TENM4: variants seen among roughly 807,000 people sequenced by gnomAD.
TENM4 encodes teneurin transmembrane protein 4, also known as teneurin-4.
A neutral mutation model predicts 243.3 loss-of-function variants in TENM4; 82 were observed. The observed-to-expected ratio is 0.34, with a 90% CI of 0.28 to 0.40. The LOEUF (loss-of-function observed/expected upper bound fraction) is 0.40. TENM4 is among the 10% of genes least tolerant of loss of function. The pLI is 1.00. For synonymous variants in TENM4, 1,412 were observed against 1,456.3 expected, an observed-to-expected ratio of 0.97 and a Z score of 0.69; for missense variants, 3,138 against 3,673.3, an observed-to-expected ratio of 0.85 and a Z score of 3.77.
chr11:78,844,585 T>TG (rs1240637488), intron 12 of TENM4, among the ~76,000 whole-genome samples: 1 of 151,038 alleles, frequency 6.6e-6, no homozygotes, highest in African/African-American at 2.4e-5. Flanking sequence ...GAGTTTGCAG[T>TG]GAACCAAGAT....
At chr11:78,777,919 C>T in intron 17 of TENM4, among the ~76,000 whole-genome samples, 1 of 152,140 alleles carries the variant, frequency 6.6e-6, no homozygotes, top group African/African-American at 2.4e-5. Flanking sequence ...CAGGTACCAC[C>T]CAACTAATGT....
intron 6 of TENM4, among the ~76,000 whole-genome samples, chr11:78,920,775 C>T (rs1856430903): frequency 6.6e-6 from 1 of 152,126 alleles, no homozygotes. Flanking sequence ...TCTTAACTGC[C>T]CATGCAAATC....
intron 28 of TENM4, among the ~76,000 whole-genome samples, chr11:78,699,771 T>C (rs517040): frequency 0.043 from 6,548 of 152,148 alleles, 304 homozygotes; most frequent in African/African-American, 0.12. Context: ...ATTTCAGGGG[T>C]GGTGGAGCGT....
rs1858732476 is a variant in TENM4, at chr11:78,688,165, G to A, written c.5149C>T (p.Arg1717Ter). 1.9e-6 allele frequency: 3 copies of A among 1,613,852 alleles called. No individual in the cohort carries two copies. The highest frequency in any genetic ancestry group is 1.7e-6 in the Non-Finnish European group (2 of 1,179,826). ...TGCACTGAACTGTCTGTATCACTTC[G>A]GAAACTGCTCACCTGGCCAGTAGGG... is the stretch of plus-strand genomic sequence containing the variant. ...TFPTGQVSSF[R>*]SDTDSSVHVQ... The change falls in exon 29 of 34, where the codon CGA (arginine) becomes TGA (stop). Residue 1717 changes from arginine to a stop codon, truncating the protein, a stop_gained. Coordinates refer to ENST00000278550, the MANE Select transcript of TENM4 (RefSeq NM_001098816.3). LOFTEE classifies it high-confidence loss of function.
chr11:79,402,455 G>C (rs2135558061), intron 1 of TENM4, among the ~76,000 whole-genome samples: 1 of 152,072 alleles, frequency 6.6e-6, no homozygotes, highest in East Asian at 1.9e-4. Flanking sequence ...TGCATTGCTG[G>C]AAAAAATACA....
chr11:79,265,019 G>A (rs1158175998), intron 2 of TENM4, among the ~76,000 whole-genome samples: 1 of 152,206 alleles, frequency 6.6e-6, no homozygotes, highest in Non-Finnish European at 1.5e-5. Flanking sequence ...TCAGCTGCCT[G>A]TAGACGAAGC....
At chr11:79,147,942 C>T (rs774807603) in intron 4 of TENM4, among the ~76,000 whole-genome samples, 7 of 152,056 alleles carry the variant, frequency 4.6e-5, no homozygotes, top group Admixed American at 2.6e-4. Context: ...GTCAGCAAAA[C>T]GATCCAAGTG....
chr11:79,349,707 G>C (rs1857383657), intron 1 of TENM4, among the ~76,000 whole-genome samples: 1 of 152,192 alleles, frequency 6.6e-6, no homozygotes, highest in Non-Finnish European at 1.5e-5. Context: ...GGCAGGGAAA[G>C]GGGAGAGAGA....
intron 6 of TENM4, among the ~76,000 whole-genome samples, chr11:78,948,326 C>T (rs193040743): frequency 2.6e-3 from 400 of 152,084 alleles, no homozygotes; most frequent in African/African-American, 8.7e-3. Context: ...TCCATATCAC[C>T]TAACATACAT....
At chr11:79,225,763 G>A (rs560104174) in intron 2 of TENM4, among the ~76,000 whole-genome samples, 13 of 152,288 alleles carry the variant, frequency 8.5e-5, no homozygotes, top group African/African-American at 3.1e-4. Flanking sequence ...GATTACAGGC[G>A]TGAGCCACCG....
At position 79,002,101 on chromosome 11, in the gene TENM4, C is replaced by T. The variant is rs147486629; in HGVS notation, c.493+62637G>A. 1.4e-3 allele frequency among the ~76,000 whole-genome samples: 212 copies of T among 152,316 alleles called. 6 individuals are homozygous for T. The East Asian group carries it at 0.038, about 28-fold the overall frequency. On this transcript the variant is annotated intron_variant, in intron 6 of 33. Coordinates refer to ENST00000278550, the MANE Select transcript of TENM4 (RefSeq NM_001098816.3). ...ATGAGCACACCCTGCCATCCCCACCCCCCCACTGATACATGGGTACCTGGT... is the reference window on the plus strand; with the variant it reads ...ATGAGCACACCCTGCCATCCCCACCTCCCCACTGATACATGGGTACCTGGT...
chr11:79,384,548 ATG>A (rs1858069479), intron 1 of TENM4, among the ~76,000 whole-genome samples: 1 of 152,188 alleles, frequency 6.6e-6, no homozygotes, highest in Non-Finnish European at 1.5e-5. Flanking sequence ...CTGTATGAAC[ATG>A]CACAAACTAC....
intron 6 of TENM4, among the ~76,000 whole-genome samples, chr11:79,020,968 GC>G (rs1445590926): frequency 2.0e-5 from 3 of 152,294 alleles, no homozygotes; most frequent in African/African-American, 7.2e-5. Context: ...CTAATAGAAT[GC>G]ACAGTGTTGA....
intron 20 of TENM4, among the ~76,000 whole-genome samples, chr11:78,737,731 A>G (rs1365106326): frequency 6.6e-6 from 1 of 152,164 alleles, no homozygotes; most frequent in Non-Finnish European, 1.5e-5. Context: ...AATAATCTGT[A>G]ATTTTAACAA....
At chr11:79,198,505 A>T (rs1863679118) in intron 3 of TENM4, among the ~76,000 whole-genome samples, 2 of 152,156 alleles carry the variant, frequency 1.3e-5, no homozygotes, top group South Asian at 4.1e-4. Context: ...TCTCCTTCAC[A>T]GTCTTTATTT....
chr11:79,306,409 A>G, intron 1 of TENM4, among the ~76,000 whole-genome samples: 1 of 152,114 alleles, frequency 6.6e-6, no homozygotes, highest in Non-Finnish European at 1.5e-5. Flanking sequence ...GGCCCTTGAT[A>G]GTCAAAGGAT....
chr11:79,094,713 T>C (rs1024293487), intron 4 of TENM4, among the ~76,000 whole-genome samples: 5 of 152,266 alleles, frequency 3.3e-5, no homozygotes, highest in African/African-American at 1.2e-4. Flanking sequence ...CAGGCTGGGC[T>C]GTTGCTATTA....
intron 15 of TENM4, among the ~76,000 whole-genome samples, chr11:78,801,461 C>G (rs565536835): frequency 8.5e-5 from 13 of 152,112 alleles, no homozygotes; most frequent in Non-Finnish European, 1.6e-4. Context: ...ATTTCTGAGA[C>G]GAGACTGGAA....
chr11:78,749,296 A>T (rs186368958), intron 19 of TENM4: 4 of 151,990 alleles, frequency 2.6e-5, no homozygotes, highest in African/African-American at 9.7e-5. Context: ...GACATTTTGG[A>T]GGAAGCAGGA....
Sources: allele counts gnomAD v4.1 joint callset (sites outside exome capture counted in the v4.1 genomes callset), GRCh38; gene constraint gnomAD v4.1.1; transcripts MANE v1.5; gene names NCBI Gene and HGNC (gene_info 2026-07-23, HGNC 2026-07-21).